TMEM132D: variants seen among roughly 807,000 people sequenced by gnomAD.
The protein encoded by TMEM132D is transmembrane protein 132D.
In TMEM132D, 21 loss-of-function variants were observed where a neutral mutation model predicts 62.3. The observed-to-expected ratio is 0.34, with a 90% CI of 0.24 to 0.49. The LOEUF (loss-of-function observed/expected upper bound fraction) is 0.49. TMEM132D is among the 20% of genes least tolerant of loss of function. TMEM132D has a pLI of 0.99. For synonymous variants in TMEM132D, 621 were observed against 575.6 expected (o/e 1.08, Z -1.13); for missense variants, 1,346 against 1,402.8 (o/e 0.96, Z 0.65).
chr12:129,200,901 C>T (rs1878688042), intron 5 of TMEM132D, among the ~76,000 whole-genome samples: 1 of 152,210 alleles, frequency 6.6e-6, no homozygotes, highest in Non-Finnish European at 1.5e-5. Flanking sequence ...GCTCCCATCC[C>T]CGAAATTACA....
intron 5 of TMEM132D, among the ~76,000 whole-genome samples, chr12:129,192,290 G>A (rs775282258): frequency 6.6e-6 from 1 of 151,230 alleles, no homozygotes; most frequent in East Asian, 2.0e-4. Flanking sequence ...GGAATCCACC[G>A]ATTGTCTTCC....
At position 129,705,425 on chromosome 12, in the gene TMEM132D, GA is replaced by G. The variant is rs570867916; in HGVS notation, c.80-4728del. Reference sequence around the variant, plus strand: ...TAAAATTTTAAAAACTAAAAACTAAGAAAAAAAATCAGATTGTCTTCATTTG... The same window carrying G: ...TAAAATTTTAAAAACTAAAAACTAAGAAAAAAATCAGATTGTCTTCATTTG... On this transcript the variant is annotated intron_variant, in intron 1 of 8. Coordinates refer to ENST00000422113, the MANE Select transcript of TMEM132D (RefSeq NM_133448.3). Among the ~76,000 whole-genome samples the G allele has an allele frequency of 7.8e-3, 1,177 of 151,816 alleles. 17 individuals carry two copies. Among genetic ancestry groups the G allele is most frequent in the African/African-American group, 0.026 (1,060 of 41,400 alleles).
intron 3 of TMEM132D, among the ~76,000 whole-genome samples, chr12:129,342,663 C>T (rs556159328): frequency 0.015 from 2,335 of 152,098 alleles, 37 homozygotes; most frequent in African/African-American, 0.037. Context: ...AGAAAATTTT[C>T]GCAACCTACT....
At chr12:129,259,485 G>GT (rs1288059413) in intron 4 of TMEM132D, among the ~76,000 whole-genome samples, 1 of 152,214 alleles carries the variant, frequency 6.6e-6, no homozygotes, top group African/African-American at 2.4e-5. Context: ...AGAAGATGAA[G>GT]TTGGAAAGGG....
intron 1 of TMEM132D, among the ~76,000 whole-genome samples, chr12:129,797,698 G>C (rs181509687): frequency 6.6e-6 from 1 of 152,260 alleles, no homozygotes; most frequent in East Asian, 1.9e-4. Flanking sequence ...TGTGCCTGGG[G>C]GCTTCATCAC....
rs1400688291 is a variant in TMEM132D, at chr12:129,335,969, C to G, written c.1299+1665G>C. Among the ~76,000 whole-genome samples, 5 of 152,222 alleles carry G rather than the reference C, an allele frequency of 3.3e-5. No homozygotes were observed. In the East Asian group the frequency reaches 9.7e-4, roughly 29 times the overall value. ...GAATATAGATGTGATGGCTGGCATC[C>G]CAGCAGCTATGTTGGACCATGAGGT... On this transcript the variant is annotated intron_variant, in intron 4 of 8. Coordinates refer to ENST00000422113, the MANE Select transcript of TMEM132D (RefSeq NM_133448.3).
In TMEM132D at chr12:129,253,897, C is replaced by T. The variant is rs1378658349; in HGVS notation, c.1300-44234G>A. On this transcript the variant is annotated intron_variant, in intron 4 of 8. Transcript: ENST00000422113. ...GCAAAAAATTAACTTCCTACCAAAT[C>T]CTTTTGAATCTAAAAAGCTATCTGA... is the stretch of plus-strand genomic sequence containing the variant. Among the ~76,000 whole-genome samples, 3 of 152,164 alleles carry T rather than the reference C, an allele frequency of 2.0e-5. No individual in the cohort carries two copies. The East Asian group carries it at 5.8e-4, about 29-fold the overall frequency.
At chr12:129,169,361 G>A (rs961618898) in intron 5 of TMEM132D, among the ~76,000 whole-genome samples, 3 of 152,202 alleles carry the variant, frequency 2.0e-5, no homozygotes, top group Non-Finnish European at 4.4e-5. Context: ...CATGAATGGT[G>A]TGAGGATGTT....
intron 1 of TMEM132D, among the ~76,000 whole-genome samples, chr12:129,833,539 C>T (rs542858384): frequency 7.9e-5 from 12 of 152,246 alleles, no homozygotes; most frequent in Non-Finnish European, 1.3e-4. Context: ...GTGGGAGGAT[C>T]GCTTGAGCCC....
At chr12:129,830,238 C>T (rs1325902321) in intron 1 of TMEM132D, among the ~76,000 whole-genome samples, 2 of 152,090 alleles carry the variant, frequency 1.3e-5, no homozygotes, top group East Asian at 1.9e-4. Flanking sequence ...TCAATACATA[C>T]ACAGCCACAT....
At chr12:129,397,479 C>T (rs918390751) in intron 3 of TMEM132D, among the ~76,000 whole-genome samples, 3 of 152,082 alleles carry the variant, frequency 2.0e-5, no homozygotes, top group Non-Finnish European at 2.9e-5. Context: ...CTCTGGAAAG[C>T]GATCACACTG....
chr12:129,258,737 A>T (rs989791277), intron 4 of TMEM132D, among the ~76,000 whole-genome samples: 5 of 152,352 alleles, frequency 3.3e-5, no homozygotes, highest in African/African-American at 1.2e-4. Context: ...CTAGGCTTGA[A>T]GGGTACTGGA....
intron 3 of TMEM132D, among the ~76,000 whole-genome samples, chr12:129,403,744 T>G (rs1871689529): frequency 6.6e-6 from 1 of 152,078 alleles, no homozygotes; most frequent in Non-Finnish European, 1.5e-5. Context: ...AAAAAACTAG[T>G]AAATGATAGC....
At chr12:129,875,124 C>T (rs1159065952) in intron 1 of TMEM132D, among the ~76,000 whole-genome samples, 1 of 152,230 alleles carries the variant, frequency 6.6e-6, no homozygotes, top group Non-Finnish European at 1.5e-5. Flanking sequence ...GGTGCTTTTG[C>T]ACCAAGACGA....
intron 5 of TMEM132D, among the ~76,000 whole-genome samples, chr12:129,096,755 C>T (rs1009733184): frequency 2.0e-5 from 3 of 152,150 alleles, no homozygotes; most frequent in African/African-American, 7.2e-5. Context: ...GTCATCTATA[C>T]CAGAAGATTC....
At chr12:129,138,332 A>G (rs1876645996) in intron 5 of TMEM132D, among the ~76,000 whole-genome samples, 1 of 152,242 alleles carries the variant, frequency 6.6e-6, no homozygotes, top group Non-Finnish European at 1.5e-5. Flanking sequence ...TATTGGCTAG[A>G]TATGACCCAA....
intron 1 of TMEM132D, among the ~76,000 whole-genome samples, chr12:129,884,949 A>C (rs528097790): frequency 6.6e-6 from 1 of 152,378 alleles, no homozygotes; most frequent in Non-Finnish European, 1.5e-5. Flanking sequence ...TAATAAAAAG[A>C]AATGAACTAC....
chr12:129,796,373 TG>T (rs1206643896), intron 1 of TMEM132D, among the ~76,000 whole-genome samples: 1 of 152,228 alleles, frequency 6.6e-6, no homozygotes, highest in Admixed American at 6.5e-5. Context: ...TTACTGCTTC[TG>T]TTGTTTTCAT....
intron 3 of TMEM132D, among the ~76,000 whole-genome samples, chr12:129,507,209 AATAG>A (rs1566091522): frequency 6.6e-6 from 1 of 152,178 alleles, no homozygotes; most frequent in Non-Finnish European, 1.5e-5. Context: ...AAAAATAAAT[AATAG>A]ATGTTGGTGT....
Sources: allele counts gnomAD v4.1 joint callset (sites outside exome capture counted in the v4.1 genomes callset), GRCh38; gene constraint gnomAD v4.1.1; transcripts MANE v1.5; gene names NCBI Gene and HGNC (gene_info 2026-07-23, HGNC 2026-07-21).